The following B4GALT5 variants were observed in gnomAD, a reference collection of about 807,000 sequenced individuals.
B4GALT5 encodes UDP-Gal:beta-GlcNAc beta-1,4-galactosyltransferase 5.
Under a neutral mutation model 45.0 loss-of-function variants are expected in B4GALT5, and 11 were observed. The observed-to-expected ratio is 0.24, with a 90% CI of 0.15 to 0.40. The LOEUF (loss-of-function observed/expected upper bound fraction) is 0.40, where lower values mean the gene tolerates loss of function less well. Ranked by LOEUF, B4GALT5 falls within the 10% of genes least tolerant of loss-of-function variation. B4GALT5 has a pLI of 1.00. For synonymous variants in B4GALT5, 185 were observed against 182.9 expected, an observed-to-expected ratio of 1.01 and a Z score of -0.09; for missense variants, 337 against 500.2, an observed-to-expected ratio of 0.67 and a Z score of 3.11.
chr20:49,662,225 C>A (rs1334702707), intron 1 of B4GALT5, among the ~76,000 whole-genome samples: 2 of 152,130 alleles, frequency 1.3e-5, no homozygotes, highest in African/African-American at 4.8e-5. Flanking sequence ...CCCTTCCTGA[C>A]CACTTTTTAC....
intron 1 of B4GALT5, among the ~76,000 whole-genome samples, chr20:49,663,693 ATATACATATATATATAT>A (rs2085676333): frequency 5.7e-5 from 3 of 52,304 alleles, no homozygotes; most frequent in African/African-American, 1.8e-4. Flanking sequence ...AAAAAAAAAT[ATATACATATATATATAT>A]ATATATATAT....
intron 1 of B4GALT5, among the ~76,000 whole-genome samples, chr20:49,702,658 C>A (rs763136421): frequency 6.6e-6 from 1 of 151,652 alleles, no homozygotes; most frequent in African/African-American, 2.4e-5. Flanking sequence ...AGTTTGAGAC[C>A]GGCCTGGGCA....
chr20:49,650,852 A>G (rs1262344283), intron 2 of B4GALT5, among the ~76,000 whole-genome samples: 1 of 152,202 alleles, frequency 6.6e-6, no homozygotes, highest in Non-Finnish European at 1.5e-5. Context: ...CTTCTAAAGC[A>G]TGTACCTACT....
At chr20:49,674,179 G>A (rs1211945985) in intron 1 of B4GALT5, among the ~76,000 whole-genome samples, 1 of 146,040 alleles carries the variant, frequency 6.8e-6, no homozygotes, top group Non-Finnish European at 1.5e-5. Flanking sequence ...GCAGTGAGCC[G>A]AGACTGTGTC....
At chr20:49,661,109 GTT>G (rs1188076735) in intron 1 of B4GALT5, among the ~76,000 whole-genome samples, 1 of 152,216 alleles carries the variant, frequency 6.6e-6, no homozygotes, top group Non-Finnish European at 1.5e-5. Flanking sequence ...CATCTTGAGT[GTT>G]TATTTTAGAT....
chr20:49,709,045 C>T (rs1194132569), intron 1 of B4GALT5, among the ~76,000 whole-genome samples: 1 of 152,144 alleles, frequency 6.6e-6, no homozygotes, highest in African/African-American at 2.4e-5. Flanking sequence ...GTAACCTCTA[C>T]ACAACCTTGC....
In B4GALT5 at chr20:49,640,492, A is replaced by G; in HGVS notation, c.780T>C (p.Asp260=). 6.2e-7 allele frequency: 1 copy of G among 1,607,560 alleles called. No homozygotes were observed. The highest frequency in any genetic ancestry group is 2.2e-5 in the East Asian group (1 of 44,758). ...QMPRHFATKL[D]KYMYLLPYTE... ...ATGATACTCACAGATACATATACTT[A>G]TCCAATTTGGTTGCAAAATGCCTCG... Residue 260 remains aspartate, a synonymous_variant, in exon 6 of 9, where the codon GAT becomes GAC. Transcript: ENST00000371711.
In B4GALT5 at chr20:49,675,655, T is replaced by C. The variant is rs2085734270; in HGVS notation, c.116-18953A>G. On this transcript the variant is annotated intron_variant, in intron 1 of 8. Coordinates refer to ENST00000371711, the MANE Select transcript of B4GALT5 (RefSeq NM_004776.4). ...TACAACTACCCAAGCAAATATCATA[T>C]CTTTGTAGGTTGTCGGGTTTCTTCA... Among the ~76,000 whole-genome samples, 5 of 152,150 alleles carry C rather than the reference T, an allele frequency of 3.3e-5. No individual in the cohort carries two copies. In the South Asian group the frequency reaches 1.0e-3, roughly 32 times the overall value.
chr20:49,697,218 A>C (rs1231040806), intron 1 of B4GALT5, among the ~76,000 whole-genome samples: 2 of 152,260 alleles, frequency 1.3e-5, no homozygotes, highest in Non-Finnish European at 2.9e-5. Context: ...AAAAGGACAC[A>C]GGTGCTACAC....
At chr20:49,706,029 A>C (rs1441032061) in intron 1 of B4GALT5, among the ~76,000 whole-genome samples, 2 of 151,272 alleles carry the variant, frequency 1.3e-5, no homozygotes, top group Non-Finnish European at 2.9e-5. Context: ...AAAATACAAA[A>C]AAAAAAAAAA....
intron 1 of B4GALT5, among the ~76,000 whole-genome samples, chr20:49,688,609 A>G (rs952765178): frequency 6.6e-6 from 1 of 152,190 alleles, no homozygotes. Context: ...CCCACTTTTC[A>G]ATAAAAATTA....
chr20:49,701,434 T>C (rs1375810259), intron 1 of B4GALT5, among the ~76,000 whole-genome samples: 2 of 151,732 alleles, frequency 1.3e-5, no homozygotes, highest in African/African-American at 4.8e-5. Context: ...TATTTCCTCA[T>C]TCGTCAGCAT....
At chr20:49,687,945 T>C (rs1471069023) in intron 1 of B4GALT5, among the ~76,000 whole-genome samples, 2 of 152,062 alleles carry the variant, frequency 1.3e-5, no homozygotes, top group African/African-American at 4.8e-5. Context: ...CTACTATGAC[T>C]TGAAGAGACA....
chr20:49,687,693 T>C (rs1436701111), intron 1 of B4GALT5, among the ~76,000 whole-genome samples: 1 of 152,076 alleles, frequency 6.6e-6, no homozygotes, highest in African/African-American at 2.4e-5. Flanking sequence ...TATTTTCGAT[T>C]CCCTATAAAC....
intron 2 of B4GALT5, among the ~76,000 whole-genome samples, chr20:49,650,584 C>G (rs982211546): frequency 2.6e-5 from 4 of 152,012 alleles, no homozygotes; most frequent in Non-Finnish European, 5.9e-5. Flanking sequence ...TTACAGTGAG[C>G]TGAGATCACA....
intron 1 of B4GALT5, among the ~76,000 whole-genome samples, chr20:49,705,193 A>G (rs904249142): frequency 6.6e-6 from 1 of 152,124 alleles, no homozygotes; most frequent in Non-Finnish European, 1.5e-5. Context: ...TACCTAGAGG[A>G]TTGAGGTAAT....
intron 1 of B4GALT5, among the ~76,000 whole-genome samples, chr20:49,679,689 AAC>A (rs2085756545): frequency 6.6e-6 from 1 of 152,016 alleles, no homozygotes; most frequent in South Asian, 2.1e-4. Flanking sequence ...AAAAAACAAA[AAC>A]AAAAAACAAA....
intron 1 of B4GALT5, among the ~76,000 whole-genome samples, chr20:49,712,839 G>GA (rs1216879653): frequency 1.1e-5 from 1 of 88,230 alleles, no homozygotes; most frequent in South Asian, 2.8e-4. Flanking sequence ...ACGCGAGGTG[G>GA]GGGGGGGGGA....
chr20:49,673,104 A>G (rs2146345126), intron 1 of B4GALT5, among the ~76,000 whole-genome samples: 1 of 152,304 alleles, frequency 6.6e-6, no homozygotes, highest in East Asian at 1.9e-4. Flanking sequence ...TGGATTGGCC[A>G]GGCGCAGTGG....
Sources: gnomAD v4.1 joint callset for allele counts (sites outside exome capture counted in the v4.1 genomes callset) on GRCh38, gnomAD v4.1.1 for gene constraint, MANE v1.5 for transcripts, NCBI Gene and HGNC (gene_info 2026-07-23, HGNC 2026-07-21) for gene names.